GRIK3: variants seen among roughly 807,000 people sequenced by gnomAD.
The protein encoded by GRIK3 is glutamate receptor ionotropic, kainate 3.
In GRIK3, 29 loss-of-function variants were observed where a neutral mutation model predicts 102.5. The observed-to-expected ratio is 0.28, with a 90% CI of 0.21 to 0.39. The LOEUF (loss-of-function observed/expected upper bound fraction) is 0.39, where lower values mean the gene tolerates loss of function less well. Ranked by LOEUF, GRIK3 falls within the 10% of genes least tolerant of loss-of-function variation. The pLI, the probability that GRIK3 is intolerant of heterozygous loss-of-function variation, is 1.00. For missense variants in GRIK3, 908 were observed against 1,252.4 expected (o/e 0.73, Z 4.15); for synonymous variants, 511 against 504.9 (o/e 1.01, Z -0.16).
At position 36,880,605 on chromosome 1, in the gene GRIK3, C is replaced by T; in HGVS notation, c.550+29G>A. On this transcript the variant is annotated intron_variant, in intron 3 of 15. Transcript: ENST00000373091. The surrounding 1 kb of genome is among the most constrained non-coding windows in gnomAD (Gnocchi z 5.4). ...GGCCTCTGCCCCCCTCAACCGTTGC[C>T]CCCAGCCTAGCCAGGCCTGGCCACC... is the stretch of plus-strand genomic sequence containing the variant. 1.2e-6 allele frequency: 2 copies of T among 1,610,004 alleles called. No individual in the cohort carries two copies. Among genetic ancestry groups the T allele is most frequent in the Non-Finnish European group, 1.7e-6 (2 of 1,176,752 alleles).
rs1009973277 is a variant in GRIK3 at position 36,850,820 on chromosome 1, T to G, written c.1213-396A>C. Among the ~76,000 whole-genome samples, 1 of 152,140 alleles carries G rather than the reference T, an allele frequency of 6.6e-6. No individual in the cohort carries two copies. The highest frequency in any genetic ancestry group is 2.4e-5 in the African/African-American group (1 of 41,428). On this transcript the variant is annotated intron_variant, in intron 8 of 15. Transcript: ENST00000373091. The surrounding 1 kb of genome is among the most constrained non-coding windows in gnomAD (Gnocchi z 4.0). ...TGCCAGGTCTTGCCCTGGGACACAG[T>G]CTTTGTGGCTGTTTTGGGGTGGCAG...
rs1286334394 is a variant in GRIK3, at chr1:36,853,726, CG to C, written c.1105-5del. ...CAGTTAATCCTTCCCATTGAGCCTG[CG>C]GAGGGGAGAGGGCAGAGCGGCAATT... On this transcript the variant is annotated splice_region_variant and splice_polypyrimidine_tract_variant and intron_variant, in intron 7 of 15. Transcript: ENST00000373091. The C allele has an allele frequency of 6.4e-7, 1 of 1,563,310 alleles. No homozygotes were observed. The highest frequency in any genetic ancestry group is 1.3e-5 in the African/African-American group (1 of 74,078).
intron 10 of GRIK3, among the ~76,000 whole-genome samples, chr1:36,829,212 G>A (rs1054157114): frequency 1.3e-5 from 2 of 152,152 alleles, no homozygotes; most frequent in African/African-American, 4.8e-5. Context: ...CTTGAAAGAT[G>A]GGAACAGATG....
At chr1:36,849,069 G>A (rs1286464118) in intron 9 of GRIK3, among the ~76,000 whole-genome samples, 1 of 152,196 alleles carries the variant, frequency 6.6e-6, no homozygotes, top group African/African-American at 2.4e-5. Context: ...AGGGCCGATG[G>A]TGAGACTCAC....
intron 1 of GRIK3, among the ~76,000 whole-genome samples, chr1:36,918,543 C>A (rs866969657): frequency 7.0e-6 from 1 of 142,242 alleles, no homozygotes; most frequent in Non-Finnish European, 1.5e-5. Flanking sequence ...CTCTGACACA[C>A]CCCTAAATAT....
At chr1:37,033,192 G>T (rs1020504335) in intron 1 of GRIK3, among the ~76,000 whole-genome samples, 1 of 152,254 alleles carries the variant, frequency 6.6e-6, no homozygotes, top group Admixed American at 6.5e-5. Flanking sequence ...CCGGCGAGAA[G>T]AGACGCGGAG....
At chr1:37,021,630 T>C (rs1054286481) in intron 1 of GRIK3, among the ~76,000 whole-genome samples, 2 of 152,194 alleles carry the variant, frequency 1.3e-5, no homozygotes, top group African/African-American at 4.8e-5. Flanking sequence ...GTCACCTCTA[T>C]TAAACTGGGC....
At chr1:36,931,833 C>G (rs1282710447) in intron 1 of GRIK3, among the ~76,000 whole-genome samples, 1 of 152,184 alleles carries the variant, frequency 6.6e-6, no homozygotes, top group Non-Finnish European at 1.5e-5. Context: ...CCCCAGCTGC[C>G]TGGTTGGGGC....
At chr1:36,932,981 C>G (rs576099467) in intron 1 of GRIK3, among the ~76,000 whole-genome samples, 5 of 152,326 alleles carry the variant, frequency 3.3e-5, no homozygotes, top group African/African-American at 1.2e-4. Flanking sequence ...TGCCGAATAA[C>G]AGATTTAATG....
chr1:36,946,680 G>A (rs1049702628), intron 1 of GRIK3, among the ~76,000 whole-genome samples: 6 of 152,152 alleles, frequency 3.9e-5, no homozygotes, highest in Non-Finnish European at 8.8e-5. Flanking sequence ...GTTGTGCCAG[G>A]CCCCGTGCTA....
rs1248039860 is a variant in GRIK3, at chr1:36,880,090, T to C, written c.550+544A>G. 6.6e-6 allele frequency among the ~76,000 whole-genome samples: 1 copy of C among 152,204 alleles called. No individual in the cohort carries two copies. Among genetic ancestry groups the C allele is most frequent in the Admixed American group, 6.5e-5 (1 of 15,284 alleles). Reference sequence around the variant, plus strand: ...GTCAGTGCTTGTCACTGTCATCTTGTAATCCCACATTTTACAGATTTACAT... The same window carrying C: ...GTCAGTGCTTGTCACTGTCATCTTGCAATCCCACATTTTACAGATTTACAT... On this transcript the variant is annotated intron_variant, in intron 3 of 15. Transcript: ENST00000373091. The surrounding 1 kb of genome is among the most constrained non-coding windows in gnomAD (Gnocchi z 5.4).
At chr1:36,803,623 G>A (rs978839110) in intron 15 of GRIK3, among the ~76,000 whole-genome samples, 4 of 152,076 alleles carry the variant, frequency 2.6e-5, no homozygotes, top group African/African-American at 9.7e-5. Flanking sequence ...TAGAGACGGG[G>A]TTTTACAGTG....
intron 11 of GRIK3, among the ~76,000 whole-genome samples, chr1:36,823,781 TCTGGTCTGGGTTTGAAGCCCAA>T (rs903362636): frequency 2.0e-5 from 3 of 152,184 alleles, no homozygotes; most frequent in African/African-American, 7.2e-5. Context: ...GAACTTTATA[TCTGGTCTGGGTTTGAAGCCCAA>T]CTGGTCTGGG....
At chr1:36,911,889 C>T (rs1399135017) in intron 1 of GRIK3, among the ~76,000 whole-genome samples, 6 of 152,094 alleles carry the variant, frequency 3.9e-5, no homozygotes, top group Non-Finnish European at 7.4e-5. Context: ...GGGCCTCCCC[C>T]AGACACTGGC....
chr1:36,880,913 C>A lies in GRIK3; in HGVS notation c.293-22G>T, dbSNP rs770684322. The stretch of plus-strand genomic sequence containing the variant: ...CAGGCTGCAACAGAGGGTAGGGCAG[C>A]ACAGGGGTCAGCACTGGGGCTGTGG... On this transcript the variant is annotated intron_variant, in intron 2 of 15. Transcript: ENST00000373091. The surrounding 1 kb of genome is among the most constrained non-coding windows in gnomAD (Gnocchi z 5.4). 1.4e-5 allele frequency: 22 copies of A among 1,582,312 alleles called. 1 individual carries two copies. The East Asian group carries it at 5.1e-4, about 37-fold the overall frequency.
At chr1:37,000,360 C>T (rs1467811373) in intron 1 of GRIK3, among the ~76,000 whole-genome samples, 1 of 152,160 alleles carries the variant, frequency 6.6e-6, no homozygotes, top group East Asian at 1.9e-4. Flanking sequence ...AAAAATGTTT[C>T]ATGTATAACC....
chr1:36,848,701 C>T (rs990411909), intron 9 of GRIK3, among the ~76,000 whole-genome samples: 1 of 150,904 alleles, frequency 6.6e-6, no homozygotes, highest in South Asian at 2.1e-4. Flanking sequence ...CATCAATATC[C>T]CTTTAATTGC....
intron 9 of GRIK3, among the ~76,000 whole-genome samples, chr1:36,843,237 G>C (rs1488568348): frequency 6.6e-6 from 1 of 152,146 alleles, no homozygotes; most frequent in Non-Finnish European, 1.5e-5. Context: ...AGGTCAACAC[G>C]CAAGTCCACG....
chr1:36,985,691 C>T lies in GRIK3; in HGVS notation c.115+48303G>A, dbSNP rs1035922653. On this transcript the variant is annotated intron_variant, in intron 1 of 15. Coordinates refer to ENST00000373091, the MANE Select transcript of GRIK3 (RefSeq NM_000831.4). ...GGATCCGGACCTTCCTCCTATACAA[C>T]AGTGACTGCTGAATGGCAGAGGGCA... 1.4e-4 allele frequency among the ~76,000 whole-genome samples: 21 copies of T among 152,298 alleles called. 1 individual carries two copies. The highest frequency in any genetic ancestry group is 4.6e-4 in the African/African-American group (19 of 41,560).
Sources: allele counts gnomAD v4.1 joint callset (sites outside exome capture counted in the v4.1 genomes callset), GRCh38; gene constraint gnomAD v4.1.1; non-coding constraint Gnocchi (gnomAD v3.1); transcripts MANE v1.5; gene names NCBI Gene and HGNC (gene_info 2026-07-23, HGNC 2026-07-21).